The following SYCP1 variants were observed in gnomAD, a reference collection of about 807,000 sequenced individuals.
The protein encoded by SYCP1 is synaptonemal complex protein 1, also known as cancer/testis antigen 8.
A neutral mutation model predicts 153.1 loss-of-function variants in SYCP1; 64 were observed. The ratio of observed to expected loss-of-function variants is 0.42; its 90% CI spans 0.34 to 0.51. The LOEUF (loss-of-function observed/expected upper bound fraction) is 0.51, where lower values mean the gene tolerates loss of function less well. Among genes scored for constraint, SYCP1 ranks in the 20% least tolerant of loss-of-function variants. The probability of loss-of-function intolerance (pLI) is 0.06; values close to 1 mark genes in which losing one functional copy is unlikely to be tolerated. For missense variants in SYCP1, 997 were observed against 1,049.0 expected (o/e 0.95, Z 0.68); for synonymous variants, 384 against 341.8 (o/e 1.12, Z -1.36).
At chr1:114,872,128 C>T (rs1665190869) in intron 8 of SYCP1, among the ~76,000 whole-genome samples, 1 of 151,772 alleles carries the variant, frequency 6.6e-6, no homozygotes, top group South Asian at 2.1e-4. Flanking sequence ...AGGTGTGAGC[C>T]ACTGAGACCA....
chr1:114,927,688 C>T (rs767468711), intron 23 of SYCP1, among the ~76,000 whole-genome samples: 2 of 151,518 alleles, frequency 1.3e-5, no homozygotes, highest in Non-Finnish European at 2.9e-5. Flanking sequence ...TAGAAATTAC[C>T]CAGTCAGAAG....
At chr1:114,878,065 A>T in intron 11 of SYCP1, 29 bp from the exon 12 acceptor site, 1 of 1,234,514 alleles carries the variant, frequency 8.1e-7, no homozygotes. Flanking sequence ...AAATTTTCAT[A>T]TTGATAATGT....
At chr1:114,916,054 G>A (rs1668488622) in intron 20 of SYCP1, among the ~76,000 whole-genome samples, 1 of 152,188 alleles carries the variant, frequency 6.6e-6, no homozygotes. Context: ...ACTGAGGGAA[G>A]TCAGCTTCCC....
chr1:114,895,376 C>T, intron 15 of SYCP1, 72 bp from the exon 16 acceptor site: 1 of 1,021,634 alleles, frequency 9.8e-7, no homozygotes, highest in Non-Finnish European at 1.4e-6. Flanking sequence ...TAGTATTATG[C>T]TTGTTCCTTC....
chr1:114,974,060 C>T (rs1672658247), intron 27 of SYCP1, among the ~76,000 whole-genome samples: 1 of 151,720 alleles, frequency 6.6e-6, no homozygotes, highest in Non-Finnish European at 1.5e-5. Context: ...TTGTGACCCT[C>T]ACTTTCTTCT....
At chr1:114,944,524 G>C in intron 24 of SYCP1, 69 bp downstream of exon 24, 1 of 951,788 alleles carries the variant, frequency 1.1e-6, no homozygotes, top group Non-Finnish European at 1.5e-6. Flanking sequence ...GATTTTAAGA[G>C]GAAAGTAAAA....
chr1:114,987,435 G>A (rs955187717), intron 30 of SYCP1, among the ~76,000 whole-genome samples: 1 of 152,046 alleles, frequency 6.6e-6, no homozygotes, highest in Non-Finnish European at 1.5e-5. Context: ...GGGAGGCCAA[G>A]GTAGGAAGGT....
chr1:114,910,560 G>C, intron 17 of SYCP1, 59 bp downstream of exon 17: 1 of 1,075,226 alleles, frequency 9.3e-7, no homozygotes, highest in African/African-American at 1.7e-5. Flanking sequence ...TAGATTTATG[G>C]ATTATGGTAT....
chr1:114,946,477 C>A, intron 26 of SYCP1, 96 bp downstream of exon 26: 1 of 669,996 alleles, frequency 1.5e-6, no homozygotes, highest in Non-Finnish European at 2.5e-6. Flanking sequence ...AATTTTTGAG[C>A]TATAGAATCA....
chr1:114,957,744 A>C (rs1324772967), intron 27 of SYCP1, among the ~76,000 whole-genome samples: 2 of 152,186 alleles, frequency 1.3e-5, no homozygotes, highest in African/African-American at 2.4e-5. Context: ...ATATAACCTC[A>C]CACCTATTAG....
Position 114,855,031 on chromosome 1 carries a change from GC to G in SYCP1, c.-25+17del, listed in dbSNP as rs1377597045. ...TAGTTCTTCAAAGGTGAGGGCAGGT[GC>G]CCCGAGTTATTTTCCTGGGGACTGA... On this transcript the variant is annotated intron_variant, in intron 1 of 31. Coordinates refer to ENST00000369522, the MANE Select transcript of SYCP1 (RefSeq NM_003176.4). 6.5e-6 allele frequency: 1 copy of G among 152,768 alleles called. No homozygotes were observed. Among genetic ancestry groups the G allele is most frequent in the Admixed American group, 6.5e-5 (1 of 15,320 alleles). 9.5% of individuals were successfully genotyped at this position (152,768 alleles called of 1,614,324 possible). A position where few individuals can be genotyped will look rare whatever the true frequency, so the allele number is the denominator to read the frequency against.
Position 114,913,873 on chromosome 1 carries a change from A to G in SYCP1, c.1648-102A>G, listed in dbSNP as rs545344214. 42 of 872,322 alleles carry G rather than the reference A, an allele frequency of 4.8e-5. 1 individual carries two copies. The East Asian group carries it at 1.2e-3, about 26-fold the overall frequency. 54.0% of individuals were successfully genotyped at this position (872,322 alleles called of 1,614,324 possible). ...AGCCCATTTTTTTGCTTTATATATA[A>G]CTAAATAAATTTTATGCTGATAGAT... On this transcript the variant is annotated intron_variant, in intron 19 of 31. Coordinates refer to ENST00000369522, the MANE Select transcript of SYCP1 (RefSeq NM_003176.4).
At chr1:114,974,062 C>G (rs1056818245) in intron 27 of SYCP1, among the ~76,000 whole-genome samples, 3 of 151,798 alleles carry the variant, frequency 2.0e-5, no homozygotes, top group African/African-American at 7.2e-5. Context: ...GTGACCCTCA[C>G]TTTCTTCTTG....
rs1273065509 is a variant in SYCP1 at position 114,913,065 on chromosome 1, A to G, written c.1562A>G (p.Asn521Ser). Residue 521 changes from asparagine (N) to serine (S), a missense_variant, in exon 19 of 32, where the codon AAC becomes AGC. Physicochemically the swap from Asn to Ser is conservative, Grantham distance 46. Around this residue, in one of 2 missense-constraint regions of SYCP1, gnomAD observed 712 missense variants for 682.9 expected, o/e 1.04. Coordinates refer to ENST00000369522, the MANE Select transcript of SYCP1 (RefSeq NM_003176.4). ...LKNTELTSHC[N>S]KLSLENKELT... ...AATACTGAATTAACTTCACACTGCA[A>G]CAAGCTTTCACTAGAAAACAAAGAG... 1.9e-6 allele frequency: 3 copies of G among 1,612,294 alleles called. No individual in the cohort carries two copies. Among genetic ancestry groups the G allele is most frequent in the South Asian group, 1.1e-5 (1 of 90,878 alleles).
At chr1:114,864,828 C>G (rs1395165755) in intron 8 of SYCP1, among the ~76,000 whole-genome samples, 1 of 152,012 alleles carries the variant, frequency 6.6e-6, no homozygotes, top group African/African-American at 2.4e-5. Context: ...TACTGATTTT[C>G]TATTTAGTTA....
chr1:114,910,746 A>G (rs1385129205), intron 17 of SYCP1, among the ~76,000 whole-genome samples: 1 of 152,032 alleles, frequency 6.6e-6, no homozygotes, highest in African/African-American at 2.4e-5. Flanking sequence ...TATAATAGTG[A>G]TATTTCTTGA....
intron 23 of SYCP1, among the ~76,000 whole-genome samples, chr1:114,928,736 A>T (rs1216762286): frequency 6.6e-6 from 1 of 152,232 alleles, no homozygotes; most frequent in African/African-American, 2.4e-5. Flanking sequence ...TAGCATTTTT[A>T]CATTACATGT....
chr1:114,914,064 C>A lies in SYCP1; in HGVS notation c.1718+19C>A, dbSNP rs749605220. The stretch of plus-strand genomic sequence containing the variant: ...AATTAAGGCAAGACTAACAAATTGG[C>A]CTTTTTTTGTCTGGCAAAAGATTTT... On this transcript the variant is annotated intron_variant, in intron 20 of 31. Transcript: ENST00000369522. The A allele has an allele frequency of 1.3e-6, 2 of 1,513,344 alleles. No homozygotes were observed. The highest frequency in any genetic ancestry group is 1.4e-5 in the South Asian group (1 of 71,862). The allele number at this position is 1,513,344 out of a possible 1,614,324, so 93.7% of individuals were successfully genotyped here.
At chr1:114,898,980 T>A (rs549151746) in intron 16 of SYCP1, among the ~76,000 whole-genome samples, 21 of 152,156 alleles carry the variant, frequency 1.4e-4, no homozygotes. Context: ...AGGAACCCTG[T>A]ATGGGGCTGT....
Sources: allele counts gnomAD v4.1 joint callset (sites outside exome capture counted in the v4.1 genomes callset), GRCh38; gene constraint gnomAD v4.1.1; regional missense constraint gnomAD v4.1.1; transcripts MANE v1.5; gene names NCBI Gene and HGNC (gene_info 2026-07-23, HGNC 2026-07-21).